Variants in RABGAP1L observed in about 807,000 individuals in gnomAD.
RABGAP1L encodes RAB GTPase activating protein 1 like, also known as rab GTPase-activating protein 1-like.
A neutral mutation model predicts 137.7 loss-of-function variants in RABGAP1L; 63 were observed. That is an observed-to-expected ratio of 0.46 (90% CI 0.37 to 0.56). The LOEUF (loss-of-function observed/expected upper bound fraction) is 0.56, where lower values mean the gene tolerates loss of function less well. RABGAP1L is among the 20% of genes least tolerant of loss of function. The pLI is 0.00. For missense variants in RABGAP1L, 1,095 were observed against 1,244.0 expected (o/e 0.88, Z 1.80); for synonymous variants, 431 against 433.7 (o/e 0.99, Z 0.08).
At chr1:174,283,462 C>A (rs1223737451) in intron 10 of RABGAP1L, among the ~76,000 whole-genome samples, 1 of 151,620 alleles carries the variant, frequency 6.6e-6, no homozygotes, top group African/African-American at 2.4e-5. Context: ...ACTGAGAATG[C>A]CTGAATATGT....
chr1:174,928,955 A>T (rs983314908), intron 19 of RABGAP1L, among the ~76,000 whole-genome samples: 24 of 152,100 alleles, frequency 1.6e-4, no homozygotes, highest in Admixed American at 3.9e-4. Flanking sequence ...TTCCACCATG[A>T]AACCCACCTT....
intron 14 of RABGAP1L, among the ~76,000 whole-genome samples, chr1:174,677,024 T>C (rs1011812632): frequency 7.9e-5 from 12 of 152,004 alleles, no homozygotes; most frequent in African/African-American, 2.9e-4. Context: ...ACTTACGGCA[T>C]AAGTATCAGG....
intron 13 of RABGAP1L, among the ~76,000 whole-genome samples, chr1:174,611,040 G>A (rs371689797): frequency 4.0e-5 from 6 of 149,750 alleles, no homozygotes; most frequent in Non-Finnish European, 5.9e-5. Flanking sequence ...CTTTTGCTGT[G>A]CAGAAGCTCT....
intron 10 of RABGAP1L, among the ~76,000 whole-genome samples, chr1:174,300,545 A>AG (rs902583535): frequency 6.6e-6 from 1 of 151,552 alleles, no homozygotes; most frequent in African/African-American, 2.4e-5. Flanking sequence ...AAAAAAAAAA[A>AG]AAAGTGAGGT....
intron 19 of RABGAP1L, among the ~76,000 whole-genome samples, chr1:174,848,632 G>C (rs1385559447): frequency 1.4e-5 from 2 of 143,918 alleles, no homozygotes; most frequent in East Asian, 4.0e-4. Flanking sequence ...TCTCTTCAAA[G>C]CTGTCAGACA....
At chr1:174,907,595 A>T (rs1040409128) in intron 19 of RABGAP1L, among the ~76,000 whole-genome samples, 1 of 152,180 alleles carries the variant, frequency 6.6e-6, no homozygotes, top group African/African-American at 2.4e-5. Flanking sequence ...GATTACAGAC[A>T]TGAGCCACAA....
intron 17 of RABGAP1L, among the ~76,000 whole-genome samples, chr1:174,714,943 A>T (rs541387696): frequency 1.3e-5 from 2 of 152,304 alleles, no homozygotes; most frequent in South Asian, 4.1e-4. Flanking sequence ...TAAAATTCTG[A>T]TGCATCTCAA....
intron 13 of RABGAP1L, among the ~76,000 whole-genome samples, chr1:174,579,746 A>G (rs1294569631): frequency 6.6e-6 from 1 of 152,140 alleles, no homozygotes; most frequent in Non-Finnish European, 1.5e-5. Flanking sequence ...AAAGGGGTAA[A>G]TCTTCATGAC....
chr1:174,500,599 T>C (rs1661167773), intron 13 of RABGAP1L, among the ~76,000 whole-genome samples: 1 of 152,192 alleles, frequency 6.6e-6, no homozygotes. Context: ...GTGATAAGTA[T>C]TATAGAAGTA....
chr1:174,263,335 G>A (rs1203228310), intron 7 of RABGAP1L, among the ~76,000 whole-genome samples: 3 of 152,192 alleles, frequency 2.0e-5, no homozygotes, highest in Non-Finnish European at 2.9e-5. Flanking sequence ...CAACTTCCAC[G>A]TTAGTTCTTC....
chr1:174,387,552 T>G (rs1686895345), intron 12 of RABGAP1L, among the ~76,000 whole-genome samples: 2 of 151,962 alleles, frequency 1.3e-5, no homozygotes, highest in African/African-American at 4.8e-5. Context: ...TTTTCTTTTT[T>G]TTTTTTGGAA....
intron 1 of RABGAP1L, among the ~76,000 whole-genome samples, chr1:174,182,693 C>T (rs1295117853): frequency 1.3e-5 from 2 of 152,232 alleles, no homozygotes; most frequent in Non-Finnish European, 2.9e-5. Context: ...TGCCTCCCAT[C>T]CTATCCTCTC....
intron 13 of RABGAP1L, among the ~76,000 whole-genome samples, chr1:174,543,197 T>TAG (rs1665642887): frequency 6.6e-6 from 1 of 152,194 alleles, no homozygotes; most frequent in Non-Finnish European, 1.5e-5. Context: ...AGTGGGGTGT[T>TAG]AAAGTCTCCC....
chr1:174,980,629 T>C (rs1440849414), intron 23 of RABGAP1L, among the ~76,000 whole-genome samples: 2 of 152,194 alleles, frequency 1.3e-5, no homozygotes, highest in Non-Finnish European at 2.9e-5. Flanking sequence ...GAGATTCCGG[T>C]ACAAAAGAGA....
At chr1:174,472,331 G>C (rs1428367815) in intron 13 of RABGAP1L, among the ~76,000 whole-genome samples, 2 of 152,200 alleles carry the variant, frequency 1.3e-5, no homozygotes, top group African/African-American at 4.8e-5. Context: ...ATGGGACCTA[G>C]TGGCTGACAG....
At chr1:174,503,658 CAAAAA>C (rs61588327) in intron 13 of RABGAP1L, among the ~76,000 whole-genome samples, 86 of 103,640 alleles carry the variant, frequency 8.3e-4, no homozygotes, top group African/African-American at 1.4e-3. Context: ...GAGACTCCGT[CAAAAA>C]AAAAAAAAAA....
At chr1:174,352,985 C>T (rs1009185532) in intron 11 of RABGAP1L, among the ~76,000 whole-genome samples, 2 of 152,142 alleles carry the variant, frequency 1.3e-5, no homozygotes, top group African/African-American at 4.8e-5. Flanking sequence ...GTGACACAAC[C>T]ATTTCTGTGG....
intron 15 of RABGAP1L, among the ~76,000 whole-genome samples, chr1:174,690,975 G>A (rs1219140566): frequency 6.6e-6 from 1 of 151,880 alleles, no homozygotes; most frequent in Non-Finnish European, 1.5e-5. Context: ...GGGATTACAG[G>A]CACATGCCAC....
intron 11 of RABGAP1L, among the ~76,000 whole-genome samples, chr1:174,330,179 A>C (rs1210219867): frequency 6.6e-6 from 1 of 152,188 alleles, no homozygotes; most frequent in African/African-American, 2.4e-5. Context: ...AAACTCTTAG[A>C]ACTAATAAAC....
Sources: gnomAD v4.1 joint callset for allele counts (sites outside exome capture counted in the v4.1 genomes callset) on GRCh38, gnomAD v4.1.1 for gene constraint, MANE v1.5 for transcripts, NCBI Gene and HGNC (gene_info 2026-07-23, HGNC 2026-07-21) for gene names.